The following PTPN22 variants were observed in gnomAD, a reference collection of about 807,000 sequenced individuals.
PTPN22 encodes the protein protein tyrosine phosphatase non-receptor type 22, also known as tyrosine-protein phosphatase non-receptor type 22.
Under a neutral mutation model 103.3 loss-of-function variants are expected in PTPN22, and 85 were observed. That is an observed-to-expected ratio of 0.82 (90% CI 0.69 to 0.99). PTPN22 has a LOEUF of 0.99. Among genes scored for constraint, PTPN22 ranks in the 50% least tolerant of loss-of-function variants. PTPN22 has a pLI of 0.00. For synonymous variants in PTPN22, 323 were observed against 310.2 expected (o/e 1.04, Z -0.43); for missense variants, 865 against 936.9 (o/e 0.92, Z 1.00).
intron 18 of PTPN22, among the ~76,000 whole-genome samples, chr1:113,826,382 G>A (rs1439643982): frequency 3.5e-5 from 5 of 143,102 alleles, no homozygotes; most frequent in Non-Finnish European, 7.5e-5. Context: ...CAGAGGAAGG[G>A]AAGTGAAGGG....
chr1:113,837,484 GAA>G (rs1403476902), intron 13 of PTPN22, 104 bp downstream of exon 13: 2 of 769,488 alleles, frequency 2.6e-6, no homozygotes, highest in Admixed American at 6.3e-5. Flanking sequence ...AAAAAAGAAA[GAA>G]AGAGAAGAAG....
intron 18 of PTPN22, among the ~76,000 whole-genome samples, chr1:113,828,721 C>T (rs1662294008): frequency 6.6e-6 from 1 of 152,128 alleles, no homozygotes; most frequent in Non-Finnish European, 1.5e-5. Context: ...CTGCAGTCTC[C>T]ACCTTCCAGG....
rs1013491500 is a variant in PTPN22 at position 113,838,676 on chromosome 1, T to C, written c.916-56A>G. On this transcript the variant is annotated intron_variant, in intron 11 of 20. Transcript: ENST00000359785. ...TCAGTGAAGCAATGTCAATAAGATA[T>C]TTTAATATTTAGAAGGCTGAAAAGT... 6 of 1,555,814 alleles carry C rather than the reference T, an allele frequency of 3.9e-6. No homozygotes were observed. In the African/African-American group the frequency reaches 4.1e-5, roughly 11 times the overall value.
chr1:113,858,410 C>T (rs1353561429), intron 4 of PTPN22, 68 bp downstream of exon 4: 1 of 1,181,508 alleles, frequency 8.5e-7, no homozygotes, highest in East Asian at 2.6e-5. Context: ...GTTCCACTGA[C>T]CAATTTTTTA....
chr1:113,823,098 TTTTGTTTAATGTTG>T (rs1483858806), intron 19 of PTPN22: 1 of 152,232 alleles, frequency 6.6e-6, no homozygotes, highest in East Asian at 1.9e-4. Context: ...GTCAACCAAA[TTTTGTTTAATGTTG>T]TTTGTTTAAT....
At chr1:113,864,925 A>AC (rs559927269) in intron 1 of PTPN22, among the ~76,000 whole-genome samples, 24,132 of 150,114 alleles carry the variant, frequency 0.16, 2,160 homozygotes, top group East Asian at 0.28. Flanking sequence ...AAAAAAAAAA[A>AC]AAAATTACCA....
Position 113,838,152 on chromosome 1 carries a change from ATCCAAACTTTGATGCTTC to A in PTPN22, c.1230_1247del (p.Gln410_Asp416delinsHis), listed in dbSNP as rs1464945918. On this transcript the variant is annotated inframe_deletion, in exon 13 of 21. Coordinates refer to ENST00000359785, the Ensembl canonical transcript of PTPN22. ...ATCCCTCAAACAAAAGAGAGCCCAA[ATCCAAACTTTGATGCTTC>A]TGAAGAGGCTCCCCAACTATTGGAA... The A allele has an allele frequency of 4.3e-6, 7 of 1,614,190 alleles. No individual in the cohort carries two copies. In the African/African-American group the frequency reaches 9.3e-5, roughly 22 times the overall value.
chr1:113,862,282 C>CA (rs981103232), intron 1 of PTPN22, among the ~76,000 whole-genome samples: 3 of 150,786 alleles, frequency 2.0e-5, no homozygotes, highest in South Asian at 2.1e-4. Flanking sequence ...GACTCCGCCT[C>CA]AAAAAAAATA....
At chr1:113,869,526 C>T (rs1339208962) in intron 1 of PTPN22, among the ~76,000 whole-genome samples, 1 of 151,866 alleles carries the variant, frequency 6.6e-6, no homozygotes, top group Admixed American at 6.6e-5. Flanking sequence ...TCTTGAGTAG[C>T]TAGGATTACA....
chr1:113,836,718 A>G (rs1558029575), intron 13 of PTPN22, among the ~76,000 whole-genome samples: 1 of 151,710 alleles, frequency 6.6e-6, no homozygotes, highest in Non-Finnish European at 1.5e-5. Context: ...GCTTGAGGCC[A>G]GATTTTCAAG....
At chr1:113,859,119 TAGTC>T in intron 2 of PTPN22, 41 bp from the exon 3 acceptor site, 1 of 1,605,508 alleles carries the variant, frequency 6.2e-7, no homozygotes, top group Non-Finnish European at 8.5e-7. Context: ...TAAGAGGGCT[TAGTC>T]AGCAGATTTA....
chr1:113,834,866 T>C (rs754165780), intron 14 of PTPN22, 44 bp downstream of exon 14: 2 of 1,408,014 alleles, frequency 1.4e-6, no homozygotes, highest in Non-Finnish European at 2.0e-6. Flanking sequence ...TGAGCCACCA[T>C]GCCCATCCCA....
chr1:113,841,504 G>A (rs1245828195), intron 11 of PTPN22, among the ~76,000 whole-genome samples: 2 of 151,982 alleles, frequency 1.3e-5, no homozygotes, highest in African/African-American at 4.8e-5. Context: ...TTGACTGAAT[G>A]GAAGACGGTA....
At chr1:113,858,949 T>C (rs1301467547) in intron 3 of PTPN22, 53 bp downstream of exon 3, 15 of 1,576,690 alleles carry the variant, frequency 9.5e-6, no homozygotes, top group Middle Eastern at 1.7e-4. Context: ...AGCCCTCCCC[T>C]TTTTTTGGGT....
chr1:113,838,231 T>C, exon 13 of PTPN22: 1 of 1,614,124 alleles, frequency 6.2e-7, no homozygotes, highest in Non-Finnish European at 8.5e-7. Flanking sequence ...TGTGTCAGCA[T>C]TTTTGTCAAA....
chr1:113,868,857 T>G (rs1050264364), intron 1 of PTPN22, among the ~76,000 whole-genome samples: 1 of 151,608 alleles, frequency 6.6e-6, no homozygotes, highest in Non-Finnish European at 1.5e-5. Flanking sequence ...TATGTACTTT[T>G]CTAAATGTGT....
intron 1 of PTPN22, among the ~76,000 whole-genome samples, chr1:113,866,222 A>G (rs1666102505): frequency 6.6e-6 from 1 of 152,204 alleles, no homozygotes; most frequent in African/African-American, 2.4e-5. Flanking sequence ...TTATAAAACC[A>G]GATGGACAGG....
chr1:113,865,358 G>A (rs1571479687), intron 1 of PTPN22, among the ~76,000 whole-genome samples: 1 of 152,068 alleles, frequency 6.6e-6, no homozygotes, highest in South Asian at 2.1e-4. Flanking sequence ...TTTAAGTACA[G>A]AGGTTAAGAG....
chr1:113,817,119 T>C (rs893647631), intron 20 of PTPN22, among the ~76,000 whole-genome samples: 2 of 152,206 alleles, frequency 1.3e-5, no homozygotes, highest in African/African-American at 4.8e-5. Flanking sequence ...GAAGGAATAC[T>C]TTTGGTTAAA....
Sources: allele counts gnomAD v4.1 joint callset (sites outside exome capture counted in the v4.1 genomes callset), GRCh38; gene constraint gnomAD v4.1.1; transcripts MANE v1.5; gene names NCBI Gene and HGNC (gene_info 2026-07-23, HGNC 2026-07-21).